TRPC7: variants seen among roughly 807,000 people sequenced by gnomAD.
The protein encoded by TRPC7 is short transient receptor potential channel 7.
Under a neutral mutation model 90.1 loss-of-function variants are expected in TRPC7, and 42 were observed. The observed-to-expected ratio is 0.47, with a 90% CI of 0.36 to 0.60. The LOEUF (loss-of-function observed/expected upper bound fraction) is 0.60, where lower values mean the gene tolerates loss of function less well. TRPC7 is among the 20% of genes least tolerant of loss of function. TRPC7 has a pLI of 0.00. For synonymous variants in TRPC7, 451 were observed against 436.3 expected, an observed-to-expected ratio of 1.03 and a Z score of -0.42; for missense variants, 955 against 1,112.3, an observed-to-expected ratio of 0.86 and a Z score of 2.01.
chr5:136,329,874 C>T (rs554744773), intron 2 of TRPC7, among the ~76,000 whole-genome samples: 41 of 152,254 alleles, frequency 2.7e-4, no homozygotes, highest in South Asian at 6.2e-4. Context: ...GGTTCAACTG[C>T]GGTAAAACTG....
intron 3 of TRPC7, among the ~76,000 whole-genome samples, chr5:136,315,252 C>G (rs960518359): frequency 6.6e-5 from 10 of 152,168 alleles, no homozygotes; most frequent in Non-Finnish European, 1.0e-4. Context: ...CTCGAGAAGA[C>G]TTGGGAACTG....
intron 1 of TRPC7, among the ~76,000 whole-genome samples, 179 bp downstream of exon 1, chr5:136,365,072 GAA>G (rs11307237): frequency 3.3e-5 from 5 of 151,454 alleles, no homozygotes; most frequent in East Asian, 2.0e-4. Flanking sequence ...TTCTATAAAA[GAA>G]AAAAAAAATT....
At chr5:136,290,051 G>A (rs1757882504) in intron 3 of TRPC7, among the ~76,000 whole-genome samples, 1 of 152,206 alleles carries the variant, frequency 6.6e-6, no homozygotes, top group African/African-American at 2.4e-5. Context: ...TGGACCTCCA[G>A]TAAACTCCAA....
chr5:136,274,490 T>A (rs922991089), intron 4 of TRPC7, among the ~76,000 whole-genome samples, 183 bp downstream of exon 4: 1 of 152,178 alleles, frequency 6.6e-6, no homozygotes, highest in Admixed American at 6.6e-5. Context: ...AAAAAAGATT[T>A]AAAAAAGCAC....
intron 5 of TRPC7, among the ~76,000 whole-genome samples, chr5:136,264,587 T>C (rs1435073813): frequency 1.3e-5 from 2 of 151,986 alleles, no homozygotes; most frequent in South Asian, 2.1e-4. Flanking sequence ...GGTTGCTGTT[T>C]TTTTTTTTGT....
At chr5:136,302,568 A>C in intron 3 of TRPC7, among the ~76,000 whole-genome samples, 1 of 151,466 alleles carries the variant, frequency 6.6e-6, no homozygotes, top group African/African-American at 2.4e-5. Context: ...GCAACCTTGC[A>C]CCCTCCATTC....
intron 3 of TRPC7, among the ~76,000 whole-genome samples, chr5:136,301,032 A>AT (rs1413486442): frequency 8.0e-4 from 122 of 151,910 alleles, no homozygotes; most frequent in African/African-American, 2.7e-3. Context: ...TGGTCCAGGC[A>AT]TTTTTCTTTT....
chr5:136,319,663 A>C (rs1759131206), intron 2 of TRPC7, among the ~76,000 whole-genome samples: 1 of 152,098 alleles, frequency 6.6e-6, no homozygotes, highest in South Asian at 2.1e-4. Context: ...CAAGGTCATA[A>C]ATCACGTTCA....
chr5:136,365,173 G>T, intron 1 of TRPC7, 80 bp downstream of exon 1: 15 of 1,448,918 alleles, frequency 1.0e-5, no homozygotes, highest in Admixed American at 2.0e-5. Flanking sequence ...ATAAATGAAA[G>T]TTCAATTACA....
chr5:136,293,125 G>T lies in TRPC7; in HGVS notation c.964-18288C>A, dbSNP rs561555288. 3.9e-5 allele frequency among the ~76,000 whole-genome samples: 6 copies of T among 152,244 alleles called. No individual in the cohort carries two copies. The East Asian group carries it at 1.2e-3, about 29-fold the overall frequency. On this transcript the variant is annotated intron_variant, in intron 3 of 11. Coordinates refer to ENST00000513104, the MANE Select transcript of TRPC7 (RefSeq NM_020389.3). ...ATGCTAAAAACTCTCAATAAATTAGGTATTGATGGGACATATCTCAAAATC... is the reference window on the plus strand; with the variant it reads ...ATGCTAAAAACTCTCAATAAATTAGTTATTGATGGGACATATCTCAAAATC...
chr5:136,275,541 A>G (rs779523078), intron 3 of TRPC7, among the ~76,000 whole-genome samples: 1 of 152,148 alleles, frequency 6.6e-6, no homozygotes, highest in African/African-American at 2.4e-5. Context: ...GAGCACCACC[A>G]CACTGGATCC....
intron 2 of TRPC7, among the ~76,000 whole-genome samples, chr5:136,339,965 TA>T (rs11481505): frequency 1.3e-5 from 2 of 151,602 alleles, no homozygotes; most frequent in Middle Eastern, 3.2e-3. Flanking sequence ...TCAGGTGCAT[TA>T]AAAAAATAAC....
Position 136,251,745 on chromosome 5 carries a change from T to G in TRPC7, c.1483A>C (p.Lys495Gln). ...ACGTACAGCTGTGCCTCCGTGGCCT[T>G]CAGGAAGGCCATGAAGCGTGCTGTG... ...SFTARFMAFL[K>Q]ATEAQLYVDQ... is the part of the protein sequence containing the mutation. Residue 495 changes from lysine to glutamine, a missense_variant, in exon 6 of 12, where the codon AAG (lysine) becomes CAG (glutamine). Lys to Gln is a moderately conservative substitution (Grantham distance 53). Coordinates refer to ENST00000513104, the MANE Select transcript of TRPC7 (RefSeq NM_020389.3). 1 of 1,613,946 alleles carries G rather than the reference T, an allele frequency of 6.2e-7. No homozygotes were observed.
At chr5:136,256,980 G>A (rs1398501459) in intron 5 of TRPC7, among the ~76,000 whole-genome samples, 5 of 152,122 alleles carry the variant, frequency 3.3e-5, no homozygotes, top group African/African-American at 7.2e-5. Context: ...TGTCATAGAT[G>A]ATGCTGGGAG....
intron 3 of TRPC7, among the ~76,000 whole-genome samples, chr5:136,303,348 A>C (rs1486794388): frequency 6.6e-6 from 1 of 152,100 alleles, no homozygotes; most frequent in Non-Finnish European, 1.5e-5. Context: ...ATTAAATAAA[A>C]CTCCAAAAAT....
At chr5:136,266,856 T>G (rs1757050791) in intron 4 of TRPC7, among the ~76,000 whole-genome samples, 3 of 152,252 alleles carry the variant, frequency 2.0e-5, no homozygotes, top group African/African-American at 7.2e-5. Flanking sequence ...TCTCAACCTT[T>G]CTTGTATGTT....
At chr5:136,312,750 G>C (rs1758875436) in intron 3 of TRPC7, among the ~76,000 whole-genome samples, 1 of 152,166 alleles carries the variant, frequency 6.6e-6, no homozygotes, top group African/African-American at 2.4e-5. Context: ...TTAGGGTGGT[G>C]CCTGAAGATA....
chr5:136,251,629 G>T lies in TRPC7; in HGVS notation c.1579+20C>A. ...CCCGGAAGCGCCAAAATGGAGTAGG[G>T]GAAGCACTCTCCGACTCACCGTAGG... On this transcript the variant is annotated intron_variant, in intron 6 of 11. Transcript: ENST00000513104. 1 of 1,568,284 alleles carries T rather than the reference G, an allele frequency of 6.4e-7. No individual in the cohort carries two copies. The highest frequency in any genetic ancestry group is 2.3e-5 in the East Asian group (1 of 42,968).
chr5:136,252,071 G>A (rs946511398), intron 5 of TRPC7, among the ~76,000 whole-genome samples, 189 bp from the exon 6 acceptor site: 3 of 152,198 alleles, frequency 2.0e-5, no homozygotes, highest in Non-Finnish European at 2.9e-5. Flanking sequence ...CAGAGACTTG[G>A]CCTTGTGCTT....
Sources: allele counts gnomAD v4.1 joint callset (sites outside exome capture counted in the v4.1 genomes callset), GRCh38; gene constraint gnomAD v4.1.1; transcripts MANE v1.5; gene names NCBI Gene and HGNC (gene_info 2026-07-23, HGNC 2026-07-21).